Variants in CDH18 observed in about 807,000 individuals in gnomAD.
CDH18 encodes the protein cadherin-18.
Under a neutral mutation model 67.9 loss-of-function variants are expected in CDH18, and 31 were observed. The ratio of observed to expected loss-of-function variants is 0.46; its 90% CI spans 0.34 to 0.62. The LOEUF is 0.62. Among genes scored for constraint, CDH18 ranks in the 20% least tolerant of loss-of-function variants. The probability of loss-of-function intolerance (pLI) is 0.01; values close to 1 mark genes in which losing one functional copy is unlikely to be tolerated. For synonymous variants in CDH18, 362 were observed against 347.2 expected (o/e 1.04, Z -0.48); for missense variants, 890 against 975.5 (o/e 0.91, Z 1.17).
At chr5:20,414,773 C>T (rs373754205) in intron 1 of CDH18, among the ~76,000 whole-genome samples, 4 of 152,072 alleles carry the variant, frequency 2.6e-5, no homozygotes, top group African/African-American at 7.2e-5. Context: ...AATGAGATAT[C>T]GTTTCATACC....
intron 2 of CDH18, among the ~76,000 whole-genome samples, chr5:19,916,732 G>A (rs758683710): frequency 1.6e-4 from 24 of 152,006 alleles, no homozygotes; most frequent in Non-Finnish European, 3.4e-4. Flanking sequence ...TTTTTTTTCT[G>A]TTAAGTTCTA....
chr5:20,333,894 A>C (rs1282956879), intron 1 of CDH18, among the ~76,000 whole-genome samples: 1 of 87,086 alleles, frequency 1.1e-5, no homozygotes, highest in Non-Finnish European at 3.2e-5. Flanking sequence ...GAAGGGCTAA[A>C]AAGACATAAG....
At chr5:20,019,543 G>A (rs1310213553) in intron 2 of CDH18, among the ~76,000 whole-genome samples, 1 of 152,132 alleles carries the variant, frequency 6.6e-6, no homozygotes, top group African/African-American at 2.4e-5. Flanking sequence ...TAGTTTCAAA[G>A]TGTGTGGTAT....
upstream of CDH18, among the ~76,000 whole-genome samples, chr5:19,990,646 C>A (rs1168658478): frequency 1.3e-5 from 2 of 152,212 alleles, no homozygotes; most frequent in African/African-American, 4.8e-5. Context: ...TGCATACACA[C>A]TGGGTTTAAA....
intron 1 of CDH18, among the ~76,000 whole-genome samples, chr5:20,328,951 C>A (rs578005840): frequency 3.7e-4 from 44 of 119,400 alleles, no homozygotes; most frequent in Admixed American, 2.5e-3. Context: ...CACTTCAGCT[C>A]CCCTGGGTTA....
chr5:19,765,468 C>G (rs1186562618), intron 3 of CDH18, among the ~76,000 whole-genome samples: 1 of 150,904 alleles, frequency 6.6e-6, no homozygotes, highest in African/African-American at 2.4e-5. Context: ...CACATTTTTT[C>G]TCTTAATTAT....
intron 2 of CDH18, among the ~76,000 whole-genome samples, chr5:20,206,814 A>C (rs1379945155): frequency 2.6e-5 from 4 of 152,108 alleles, no homozygotes; most frequent in East Asian, 3.9e-4. Flanking sequence ...AATGATAAAA[A>C]CTCTCAAAAA....
intron 1 of CDH18, among the ~76,000 whole-genome samples, chr5:20,296,368 C>T (rs778790641): frequency 2.0e-5 from 3 of 151,354 alleles, no homozygotes; most frequent in Non-Finnish European, 4.4e-5. Flanking sequence ...ATTCTCCTGC[C>T]CTCCTGCCTC....
chr5:20,299,155 T>A (rs2149961953), intron 1 of CDH18, among the ~76,000 whole-genome samples: 1 of 152,226 alleles, frequency 6.6e-6, no homozygotes, highest in African/African-American at 2.4e-5. Context: ...CAATAACCTC[T>A]CTGTTGATAA....
chr5:20,551,434 T>C (rs577338925), intron 1 of CDH18, among the ~76,000 whole-genome samples: 1 of 152,288 alleles, frequency 6.6e-6, no homozygotes, highest in South Asian at 2.1e-4. Context: ...AAAAGACTAG[T>C]CTAATTGTTG....
At chr5:19,938,667 A>G (rs1337091140) in intron 2 of CDH18, among the ~76,000 whole-genome samples, 1 of 151,496 alleles carries the variant, frequency 6.6e-6, no homozygotes, top group Non-Finnish European at 1.5e-5. Flanking sequence ...CAGGACATAA[A>G]GTATATATCT....
intron 2 of CDH18, among the ~76,000 whole-genome samples, chr5:20,140,501 T>C (rs1254511142): frequency 6.6e-6 from 1 of 151,850 alleles, no homozygotes. Context: ...AGAAATTCTT[T>C]AGGAATAATG....
In CDH18 at chr5:19,480,553, G is replaced by GT. The variant is rs1739252832; in HGVS notation, c.1882+2747dup. Among the ~76,000 whole-genome samples the GT allele has an allele frequency of 2.0e-5, 3 of 151,240 alleles. No homozygotes were observed. The South Asian group carries it at 6.2e-4, about 31-fold the overall frequency. ...CCACCAAGCCCGACTAATTTTTTGT[G>GT]TTTTTAGTAGAGACAGGGTTTCACC... On this transcript the variant is annotated intron_variant, in intron 12 of 12. Transcript: ENST00000382275.
intron 2 of CDH18, among the ~76,000 whole-genome samples, chr5:19,973,437 T>C (rs928740677): frequency 1.3e-5 from 2 of 152,122 alleles, no homozygotes; most frequent in Non-Finnish European, 1.5e-5. Flanking sequence ...TTCTGAGATA[T>C]AGTATGGGCT....
chr5:19,560,007 T>A (rs559144901), intron 8 of CDH18, among the ~76,000 whole-genome samples: 2 of 150,264 alleles, frequency 1.3e-5, no homozygotes, highest in South Asian at 4.2e-4. Flanking sequence ...CTGAAATACA[T>A]CATAGACAAC....
At chr5:19,537,164 A>G (rs1191222702) in intron 9 of CDH18, among the ~76,000 whole-genome samples, 2 of 152,086 alleles carry the variant, frequency 1.3e-5, no homozygotes, top group Non-Finnish European at 2.9e-5. Flanking sequence ...TCATTCAATC[A>G]GTTGAAGGCC....
chr5:19,653,265 T>C (rs1755840468), intron 5 of CDH18, among the ~76,000 whole-genome samples: 1 of 152,122 alleles, frequency 6.6e-6, no homozygotes, highest in Non-Finnish European at 1.5e-5. Context: ...CAATCGAGTC[T>C]AGAATAGCAG....
chr5:20,027,807 T>A (rs1739045768), intron 2 of CDH18, among the ~76,000 whole-genome samples: 1 of 152,188 alleles, frequency 6.6e-6, no homozygotes, highest in Non-Finnish European at 1.5e-5. Context: ...ACTAGCTGAG[T>A]CTGACTTAAG....
intron 1 of CDH18, among the ~76,000 whole-genome samples, chr5:20,291,069 T>C (rs907344910): frequency 1.3e-5 from 2 of 152,130 alleles, no homozygotes; most frequent in Non-Finnish European, 1.5e-5. Context: ...GCAGAAAATA[T>C]GGCTTCCAGA....
Sources: allele counts gnomAD v4.1 joint callset (sites outside exome capture counted in the v4.1 genomes callset), GRCh38; gene constraint gnomAD v4.1.1; transcripts MANE v1.5; gene names NCBI Gene and HGNC (gene_info 2026-07-23, HGNC 2026-07-21).